Variants in PIP5K1A observed in about 807,000 individuals in gnomAD.
PIP5K1A encodes phosphatidylinositol-4-phosphate 5-kinase type 1 alpha.
Under a neutral mutation model 72.9 loss-of-function variants are expected in PIP5K1A, and 46 were observed. That is an observed-to-expected ratio of 0.63 (90% CI 0.50 to 0.81). PIP5K1A has a LOEUF of 0.81. Ranked by LOEUF, PIP5K1A falls within the 30% of genes least tolerant of loss-of-function variation. PIP5K1A has a pLI of 0.00. For synonymous variants in PIP5K1A, 228 were observed against 255.1 expected (o/e 0.89, Z 1.01); for missense variants, 458 against 706.1 (o/e 0.65, Z 3.98).
intron 5 of PIP5K1A, 39 bp from the exon 6 acceptor site, chr1:151,232,209 G>A (rs766447898): frequency 2.4e-5 from 32 of 1,329,162 alleles, no homozygotes; most frequent in Non-Finnish European, 3.5e-5. Context: ...TGGATGATAG[G>A]GACTGGCAAG....
intron 1 of PIP5K1A, among the ~76,000 whole-genome samples, chr1:151,200,238 T>A (rs1201422380): frequency 6.6e-6 from 1 of 150,746 alleles, no homozygotes; most frequent in Non-Finnish European, 1.5e-5. Flanking sequence ...AATAGAAAAA[T>A]GGACTGGAAG....
chr1:151,227,463 A>C (rs1470539600), intron 4 of PIP5K1A, 63 bp downstream of exon 4: 14 of 1,055,624 alleles, frequency 1.3e-5, no homozygotes, highest in Non-Finnish European at 2.1e-5. Flanking sequence ...CTGGGAACTC[A>C]GTCTCCTTGA....
At chr1:151,229,099 C>T (rs1265859741) in intron 4 of PIP5K1A, among the ~76,000 whole-genome samples, 2 of 126,136 alleles carry the variant, frequency 1.6e-5, no homozygotes, top group Non-Finnish European at 1.6e-5. Context: ...ACCTGGGAGG[C>T]GAAGGTTGCA....
At position 151,236,767 on chromosome 1, in the gene PIP5K1A, A is replaced by T. The variant is rs1156629340; in HGVS notation, c.1145+4A>T. On this transcript the variant is annotated splice_donor_region_variant and intron_variant, in intron 9 of 15. Coordinates refer to ENST00000368888, the MANE Select transcript of PIP5K1A (RefSeq NM_001135638.2). ...GTACCATGGAGACTGATGACCAGTA[A>T]GTGGGCTCAGGGCCACTAGGGGGGA... 3 of 1,606,368 alleles carry T rather than the reference A, an allele frequency of 1.9e-6. No homozygotes were observed. The South Asian group carries it at 3.3e-5, about 18-fold the overall frequency.
intron 3 of PIP5K1A, among the ~76,000 whole-genome samples, chr1:151,226,466 C>T (rs1689155984): frequency 1.3e-5 from 2 of 152,008 alleles, no homozygotes. Flanking sequence ...AATCCCAGCA[C>T]TTTGGGAGGC....
chr1:151,224,512 C>A, intron 3 of PIP5K1A, 106 bp downstream of exon 3: 1 of 838,476 alleles, frequency 1.2e-6, no homozygotes, highest in Non-Finnish European at 2.0e-6. Flanking sequence ...CAATATATAC[C>A]AAAAAGTAAA....
At chr1:151,208,988 T>C (rs1686392479) in intron 1 of PIP5K1A, among the ~76,000 whole-genome samples, 1 of 151,518 alleles carries the variant, frequency 6.6e-6, no homozygotes, top group Admixed American at 6.6e-5. Flanking sequence ...TGCCTCGGCC[T>C]CCCAAGGTGC....
chr1:151,243,610 C>T (rs1692076053), intron 14 of PIP5K1A, among the ~76,000 whole-genome samples: 1 of 152,168 alleles, frequency 6.6e-6, no homozygotes, highest in Non-Finnish European at 1.5e-5. Flanking sequence ...TTGGCTCTAC[C>T]CTCTAGACTC....
chr1:151,238,386 G>C, intron 10 of PIP5K1A, 121 bp downstream of exon 10: 3 of 708,964 alleles, frequency 4.2e-6, no homozygotes, highest in Middle Eastern at 2.4e-4. Flanking sequence ...TTGCAGTCTG[G>C]CTACTTACTT....
chr1:151,213,057 T>A (rs937781256), intron 1 of PIP5K1A, among the ~76,000 whole-genome samples: 1 of 151,686 alleles, frequency 6.6e-6, no homozygotes, highest in Non-Finnish European at 1.5e-5. Context: ...CGCCCGGCTA[T>A]TTTATTTTTT....
At chr1:151,220,889 T>C (rs1688313758) in intron 1 of PIP5K1A, among the ~76,000 whole-genome samples, 1 of 152,230 alleles carries the variant, frequency 6.6e-6, no homozygotes, top group African/African-American at 2.4e-5. Context: ...CACTCCTAAA[T>C]ACTTAAGAAC....
At chr1:151,242,027 G>A in intron 12 of PIP5K1A, 96 bp from the exon 13 acceptor site, 1 of 1,243,742 alleles carries the variant, frequency 8.0e-7, no homozygotes, top group South Asian at 1.3e-5. Context: ...ACCAACTTTG[G>A]GTGTGTGTTG....
chr1:151,200,134 A>C (rs1451399764), intron 1 of PIP5K1A, among the ~76,000 whole-genome samples: 2 of 151,652 alleles, frequency 1.3e-5, no homozygotes, highest in East Asian at 3.9e-4. Flanking sequence ...GAATTGCAGT[A>C]GAGACTGCGA....
intron 8 of PIP5K1A, among the ~76,000 whole-genome samples, chr1:151,235,976 C>T (rs1026270115): frequency 4.0e-5 from 6 of 151,892 alleles, no homozygotes; most frequent in African/African-American, 9.7e-5. Context: ...CAAAAATTAG[C>T]TGGGTGTGGT....
chr1:151,238,799 A>G (rs1350750747), intron 10 of PIP5K1A, among the ~76,000 whole-genome samples: 4 of 152,202 alleles, frequency 2.6e-5, no homozygotes, highest in Non-Finnish European at 5.9e-5. Flanking sequence ...CAGTATTATC[A>G]TCCAGTTTTA....
intron 5 of PIP5K1A, 29 bp downstream of exon 5, chr1:151,231,830 C>A: frequency 6.2e-7 from 1 of 1,611,236 alleles, no homozygotes; most frequent in South Asian, 1.1e-5. Flanking sequence ...AGGAGCATGT[C>A]CTGGAAATGT....
intron 1 of PIP5K1A, among the ~76,000 whole-genome samples, chr1:151,222,819 G>A (rs1688567698): frequency 6.6e-6 from 1 of 152,122 alleles, no homozygotes; most frequent in African/African-American, 2.4e-5. Context: ...GGCAGCTGAG[G>A]GTTTTGACAG....
chr1:151,223,103 C>T (rs913178278), intron 1 of PIP5K1A, among the ~76,000 whole-genome samples: 11 of 152,052 alleles, frequency 7.2e-5, no homozygotes, highest in African/African-American at 1.2e-4. Flanking sequence ...GTGATCCCAG[C>T]ACTTTGGGAG....
At chr1:151,212,749 A>G (rs909254127) in intron 1 of PIP5K1A, among the ~76,000 whole-genome samples, 3 of 139,202 alleles carry the variant, frequency 2.2e-5, no homozygotes, top group African/African-American at 8.1e-5. Flanking sequence ...CAATTTCTGT[A>G]TTTTTAGTAG....
Sources: allele counts gnomAD v4.1 joint callset (sites outside exome capture counted in the v4.1 genomes callset), GRCh38; gene constraint gnomAD v4.1.1; transcripts MANE v1.5; gene names NCBI Gene and HGNC (gene_info 2026-07-23, HGNC 2026-07-21).